Variants in DST observed in about 807,000 individuals in gnomAD.
The protein encoded by DST is dystonin.
In DST, 253 loss-of-function variants were observed where a neutral mutation model predicts 875.2. The ratio of observed to expected loss-of-function variants is 0.29; its 90% CI spans 0.26 to 0.32. DST has a LOEUF of 0.32. DST is among the 10% of genes least tolerant of loss of function. The probability of loss-of-function intolerance (pLI) is 1.00; values close to 1 mark genes in which losing one functional copy is unlikely to be tolerated. For synonymous variants in DST, 3,124 were observed against 3,197.1 expected (o/e 0.98, Z 0.77); for missense variants, 8,287 against 9,111.6 (o/e 0.91, Z 3.68).
chr6:56,589,379 A>G (rs1390741497), intron 49 of DST, among the ~76,000 whole-genome samples: 1 of 152,184 alleles, frequency 6.6e-6, no homozygotes, highest in Non-Finnish European at 1.5e-5. Context: ...ATAGTTGTTT[A>G]TAGTGCTATT....
At chr6:56,772,185 C>T (rs1241417026) in intron 4 of DST, among the ~76,000 whole-genome samples, 1 of 152,254 alleles carries the variant, frequency 6.6e-6, no homozygotes, top group Admixed American at 6.5e-5. Flanking sequence ...CTTTAGCAGG[C>T]TTCGGTTATG....
chr6:56,668,466 G>A (rs1344854585), intron 10 of DST, among the ~76,000 whole-genome samples: 2 of 152,164 alleles, frequency 1.3e-5, no homozygotes, highest in Admixed American at 6.5e-5. Flanking sequence ...ACGCAGCCAA[G>A]CACGGTGGCT....
chr6:56,746,765 A>G lies in DST; in HGVS notation c.626-11476T>C, dbSNP rs575092936. Among the ~76,000 whole-genome samples, 31 of 152,302 alleles carry G rather than the reference A, an allele frequency of 2.0e-4. No homozygotes were observed. The South Asian group carries it at 6.0e-3, about 30-fold the overall frequency. On this transcript the variant is annotated intron_variant, in intron 4 of 103. Transcript: ENST00000680361. ...TTACTATTAATAATAACTGTGAGGG[A>G]AAAATGTGTTTCAGGTATTTTATTC...
Position 56,553,014 on chromosome 6 carries a change from G to C in DST, c.15778C>G (p.Gln5260Glu), listed in dbSNP as rs1010202961. 1.2e-6 allele frequency: 2 copies of C among 1,613,790 alleles called. No homozygotes were observed. The highest frequency in any genetic ancestry group is 2.7e-5 in the African/African-American group (2 of 74,924). The change falls in exon 61 of 104, where the codon CAA becomes GAA. Residue 5260 changes from glutamine to glutamate, a missense_variant. Gln to Glu is a conservative substitution (Grantham distance 29). Around this residue, in one of 10 missense-constraint regions of DST, gnomAD observed 1,513 missense variants for 1,677.8 expected, o/e 0.90. Transcript: ENST00000680361. Reference sequence around the variant, plus strand: ...AGACAGAATTTCTTACTGTGAAGTTGTTCAGTGACCATGTCCACCTTCTGG... The same window carrying C: ...AGACAGAATTTCTTACTGTGAAGTTCTTCAGTGACCATGTCCACCTTCTGG... Reference protein sequence around the residue: ...LIQKVDMVTEQLHSKKFCLEN... With the variant: ...LIQKVDMVTEELHSKKFCLEN...
At chr6:56,754,098 G>C (rs58096205) in intron 4 of DST, among the ~76,000 whole-genome samples, 1 of 151,950 alleles carries the variant, frequency 6.6e-6, no homozygotes, top group Non-Finnish European at 1.5e-5. Context: ...AATGACTTTC[G>C]GTTTCTTTTA....
Position 56,553,556 on chromosome 6 carries a change from T to C in DST, c.15236A>G (p.Glu5079Gly), listed in dbSNP as rs778247148. 1.9e-6 allele frequency: 3 copies of C among 1,613,986 alleles called. No homozygotes were observed. In the South Asian group the frequency reaches 3.3e-5, roughly 18 times the overall value. The change falls in exon 61 of 104, where the codon GAG (glutamate) becomes GGG (glycine). Residue 5079 changes from glutamate to glycine, a missense_variant. By Grantham distance (98) the Glu-to-Gly change is moderately conservative (BLOSUM62 -2). This residue lies in a region of DST where 1,513 missense variants were observed against 1,677.8 expected (regional missense o/e 0.90). Transcript: ENST00000680361. ...AGATATTGGATGAGATTTGTTTTGC[T>C]CTTCTTTCTTTGTATCCAGCCAAGC... ...FQAWLDTKKE[E>G]QNKSHPISAK...
chr6:56,679,896 C>G, intron 9 of DST, among the ~76,000 whole-genome samples: 1 of 152,222 alleles, frequency 6.6e-6, no homozygotes, highest in East Asian at 1.9e-4. Context: ...TAAGTAAGAA[C>G]CCCCTTCTGT....
chr6:56,720,835 G>A (rs956503651), intron 5 of DST, among the ~76,000 whole-genome samples: 4 of 151,942 alleles, frequency 2.6e-5, no homozygotes, highest in South Asian at 2.1e-4. Flanking sequence ...AACCGCCATC[G>A]TCATCATGGC....
intron 4 of DST, among the ~76,000 whole-genome samples, chr6:56,803,385 C>T (rs1245550436): frequency 6.6e-6 from 1 of 151,920 alleles, no homozygotes; most frequent in Non-Finnish European, 1.5e-5. Context: ...ATCATAGTGA[C>T]ACTATTGATT....
At chr6:56,734,679 A>G (rs2099516533) in intron 5 of DST, among the ~76,000 whole-genome samples, 2 of 152,240 alleles carry the variant, frequency 1.3e-5, no homozygotes, top group South Asian at 4.1e-4. Context: ...AAAATTACCC[A>G]TGGTACACAA....
At chr6:56,627,167 A>T (rs751105454) in intron 34 of DST, 37 bp downstream of exon 34, 18 of 1,436,186 alleles carry the variant, frequency 1.3e-5, no homozygotes, top group Non-Finnish European at 1.6e-5. Flanking sequence ...CACAAACCTG[A>T]ATATTAAATT....
At chr6:56,616,097 C>G in intron 36 of DST, 1 of 1,614,168 alleles carries the variant, frequency 6.2e-7, no homozygotes, top group Non-Finnish European at 8.5e-7. Context: ...GATCCTTTCC[C>G]CACTAGCAGT....
At chr6:56,828,521 T>C (rs1476760625) in intron 4 of DST, among the ~76,000 whole-genome samples, 1 of 152,218 alleles carries the variant, frequency 6.6e-6, no homozygotes, top group Non-Finnish European at 1.5e-5. Context: ...TTCCACTCAT[T>C]TCTTCTAGAT....
chr6:56,629,996 T>G (rs1033868919), intron 31 of DST, among the ~76,000 whole-genome samples: 1 of 152,192 alleles, frequency 6.6e-6, no homozygotes, highest in Non-Finnish European at 1.5e-5. Flanking sequence ...TAGCTTCGAC[T>G]CCTCCTGCTG....
chr6:56,571,868 C>A (rs1010422558), intron 53 of DST, among the ~76,000 whole-genome samples: 1 of 152,176 alleles, frequency 6.6e-6, no homozygotes, highest in African/African-American at 2.4e-5. Flanking sequence ...TCTTATGCAA[C>A]ATTTTCCACT....
chr6:56,612,770 A>G (rs1218233131), intron 37 of DST, among the ~76,000 whole-genome samples: 1 of 152,268 alleles, frequency 6.6e-6, no homozygotes, highest in Non-Finnish European at 1.5e-5. Flanking sequence ...AGTTATAATT[A>G]ACGCCATTAT....
At chr6:56,673,217 C>T (rs2099111282) in intron 9 of DST, among the ~76,000 whole-genome samples, 1 of 152,038 alleles carries the variant, frequency 6.6e-6, no homozygotes, top group African/African-American at 2.4e-5. Context: ...TGCGCTCCAG[C>T]CTGGACAACA....
chr6:56,817,669 T>C (rs1167934568), intron 4 of DST, among the ~76,000 whole-genome samples: 1 of 152,144 alleles, frequency 6.6e-6, no homozygotes, highest in Non-Finnish European at 1.5e-5. Flanking sequence ...AAGGAAATCA[T>C]GATGATTTCT....
intron 2 of DST, among the ~76,000 whole-genome samples, chr6:56,937,582 TA>T (rs924998309): frequency 1.3e-5 from 2 of 152,160 alleles, no homozygotes; most frequent in Non-Finnish European, 2.9e-5. Context: ...TACAGCCATT[TA>T]AAAAAACAAC....
Sources: allele counts gnomAD v4.1 joint callset (sites outside exome capture counted in the v4.1 genomes callset), GRCh38; gene constraint gnomAD v4.1.1; regional missense constraint gnomAD v4.1.1; transcripts MANE v1.5; gene names NCBI Gene and HGNC (gene_info 2026-07-23, HGNC 2026-07-21).